SLC24A4: variants seen among roughly 807,000 people sequenced by gnomAD.
The protein encoded by SLC24A4 is sodium/potassium/calcium exchanger 4.
Under a neutral mutation model 79.0 loss-of-function variants are expected in SLC24A4, and 53 were observed. The observed-to-expected ratio is 0.67, with a 90% CI of 0.54 to 0.84. SLC24A4 has a LOEUF of 0.84. SLC24A4 is among the 40% of genes least tolerant of loss of function. The probability of loss-of-function intolerance (pLI) is 0.00; values close to 1 mark genes in which losing one functional copy is unlikely to be tolerated. For synonymous variants in SLC24A4, 323 were observed against 323.8 expected, an observed-to-expected ratio of 1.00 and a Z score of 0.03; for missense variants, 731 against 822.0, an observed-to-expected ratio of 0.89 and a Z score of 1.35.
chr14:92,449,357 C>CTCT, intron 10 of SLC24A4, 141 bp downstream of exon 10: 5 of 1,228,510 alleles, frequency 4.1e-6, no homozygotes, highest in Non-Finnish European at 5.6e-6. Flanking sequence ...AATTGTCACT[C>CTCT]TCTTACCTTT....
chr14:92,468,930 GTGTGTC>G (rs57847684), intron 12 of SLC24A4, among the ~76,000 whole-genome samples: 25,041 of 83,520 alleles, frequency 0.3, 2,132 homozygotes, highest in Non-Finnish European at 0.39. Flanking sequence ...GTGTGTGTGT[GTGTGTC>G]ACTTAAAACT....
intron 5 of SLC24A4, 49 bp from the exon 6 acceptor site, chr14:92,442,664 G>C (rs1892561992): frequency 7.4e-7 from 1 of 1,355,684 alleles, no homozygotes; most frequent in Non-Finnish European, 1.1e-6. Context: ...GGAAGGGGCA[G>C]GCTGGGGACG....
rs1595289544 is a variant in SLC24A4 at position 92,443,404 on chromosome 14, T to A, written c.587T>A (p.Val196Asp). 6.2e-7 allele frequency: 1 copy of A among 1,614,018 alleles called. No individual in the cohort carries two copies. The highest frequency in any genetic ancestry group is 8.5e-7 in the Non-Finnish European group (1 of 1,180,030). ...GVCGLFAGQV[V>D]RLTWWAVCRD... is the part of the protein sequence containing the mutation. ...ACGACGGGGCTCTGCTGGCAGGTGG[T>A]CCGTCTGACGTGGTGGGCCGTGTGC... The change falls in exon 7 of 17, where the codon GTC becomes GAC. Residue 196 changes from valine (V) to aspartate (D), a missense_variant. Val to Asp is a radical substitution (Grantham distance 152, BLOSUM62 -3). Transcript: ENST00000532405.
intron 7 of SLC24A4, 118 bp from the exon 8 acceptor site, chr14:92,445,199 A>G (rs1370025567): frequency 1.8e-6 from 2 of 1,089,758 alleles, no homozygotes; most frequent in Non-Finnish European, 2.8e-6. Context: ...AAATGGACCC[A>G]TAACACATAT....
Position 92,493,926 on chromosome 14 carries a change from C to T in SLC24A4, c.*298C>T. 1 of 375,992 alleles carries T rather than the reference C, an allele frequency of 2.7e-6. No homozygotes were observed. The highest frequency in any genetic ancestry group is 4.9e-6 in the Non-Finnish European group (1 of 205,902). 23.3% of individuals were successfully genotyped at this position (375,992 alleles called of 1,614,324 possible). A position where few individuals can be genotyped will look rare whatever the true frequency, so the allele number is the denominator to read the frequency against. On this transcript the variant is annotated 3_prime_UTR_variant, in exon 17 of 17. Coordinates refer to ENST00000532405, the MANE Select transcript of SLC24A4 (RefSeq NM_153646.4). Reference sequence around the variant, plus strand: ...TGTGCCAAGCATCTCATCTCTCCTGCACACTTTAGTCAGAAGGACTTCTGC... The same window carrying T: ...TGTGCCAAGCATCTCATCTCTCCTGTACACTTTAGTCAGAAGGACTTCTGC...
intron 13 of SLC24A4, among the ~76,000 whole-genome samples, chr14:92,483,210 T>G (rs955414768): frequency 6.6e-6 from 1 of 151,836 alleles, no homozygotes; most frequent in Non-Finnish European, 1.5e-5. Context: ...GAGACTGGAG[T>G]CAAGGGAGAT....
chr14:92,489,212 C>T (rs1210417381), intron 14 of SLC24A4, among the ~76,000 whole-genome samples: 3 of 151,746 alleles, frequency 2.0e-5, no homozygotes, highest in Non-Finnish European at 4.4e-5. Context: ...TCGAGGTGGG[C>T]GGATCACCTG....
At chr14:92,426,611 C>T (rs1330061282) in intron 2 of SLC24A4, among the ~76,000 whole-genome samples, 3 of 152,198 alleles carry the variant, frequency 2.0e-5, no homozygotes, top group Non-Finnish European at 2.9e-5. Context: ...AACTCCTTCT[C>T]ATGCTAGTTA....
intron 13 of SLC24A4, chr14:92,484,451 T>C (rs953071234): frequency 2.0e-6 from 2 of 985,230 alleles, no homozygotes; most frequent in African/African-American, 3.5e-5. Context: ...TAGAGCTCTG[T>C]ATCCCAAAAG....
intron 5 of SLC24A4, 126 bp downstream of exon 5, chr14:92,442,299 C>A: frequency 1.4e-6 from 1 of 695,620 alleles, no homozygotes; most frequent in South Asian, 1.8e-5. Flanking sequence ...ATTGGAGAGG[C>A]AGTAAGTAGA....
Position 92,443,429 on chromosome 14 carries a change from C to T in SLC24A4, c.612C>T (p.Cys204=). The T allele has an allele frequency of 3.1e-6, 5 of 1,614,164 alleles. No homozygotes were observed. Among genetic ancestry groups the T allele is most frequent in the Non-Finnish European group, 4.2e-6 (5 of 1,180,014 alleles). Residue 204 remains cysteine (C), a synonymous_variant, in exon 7 of 17, where the codon TGC becomes TGT. Transcript: ENST00000532405. ...QVVRLTWWAV[C]RDSVYYTISV... is the part of the protein sequence containing the mutation. Reference sequence around the variant, plus strand: ...TCCGTCTGACGTGGTGGGCCGTGTGCCGAGACTCCGTGTACTACACCATCT... The same window carrying T: ...TCCGTCTGACGTGGTGGGCCGTGTGTCGAGACTCCGTGTACTACACCATCT...
intron 12 of SLC24A4, among the ~76,000 whole-genome samples, chr14:92,480,494 C>T (rs912649999): frequency 1.3e-5 from 2 of 150,368 alleles, no homozygotes; most frequent in Non-Finnish European, 3.0e-5. Context: ...GGGGTTTCAC[C>T]TTGTTAGCCA....
At chr14:92,328,773 C>T (rs1228140810) in intron 2 of SLC24A4, among the ~76,000 whole-genome samples, 1 of 152,232 alleles carries the variant, frequency 6.6e-6, no homozygotes, top group Non-Finnish European at 1.5e-5. Flanking sequence ...GCAGATTGAT[C>T]TGGCCAAGGG....
At chr14:92,323,139 G>A (rs1884883614), upstream of SLC24A4, 1 of 152,250 alleles carries the variant, frequency 6.6e-6, no homozygotes, top group South Asian at 2.1e-4. The surrounding 1 kb of genome is among the most constrained non-coding windows in gnomAD (Gnocchi z 4.9). Context: ...GGCGAGAGCA[G>A]CGGGCGGGAG....
chr14:92,372,942 TC>T (rs1888270701), intron 2 of SLC24A4, among the ~76,000 whole-genome samples: 1 of 145,374 alleles, frequency 6.9e-6, no homozygotes, highest in African/African-American at 2.6e-5. Context: ...TTTCTTTTTC[TC>T]TCTCTCTCTC....
chr14:92,347,025 C>T (rs911924604), intron 2 of SLC24A4, among the ~76,000 whole-genome samples: 4 of 152,002 alleles, frequency 2.6e-5, no homozygotes, highest in African/African-American at 9.7e-5. Context: ...TCTAGTATGG[C>T]TCATTTATGC....
chr14:92,339,742 C>T (rs970982985), intron 2 of SLC24A4, among the ~76,000 whole-genome samples: 24 of 152,158 alleles, frequency 1.6e-4, no homozygotes, highest in Middle Eastern at 3.2e-3. Flanking sequence ...GAGCCAGGGA[C>T]GGTTTCTGAG....
At chr14:92,380,556 G>A (rs1218999381) in intron 2 of SLC24A4, among the ~76,000 whole-genome samples, 1 of 152,240 alleles carries the variant, frequency 6.6e-6, no homozygotes, top group Admixed American at 6.5e-5. Flanking sequence ...AGAGAAAGAG[G>A]TGATGCATTC....
chr14:92,443,290 G>T, intron 6 of SLC24A4, 110 bp from the exon 7 acceptor site: 1 of 956,654 alleles, frequency 1.0e-6, no homozygotes, highest in Non-Finnish European at 1.7e-6. Flanking sequence ...GGAGTTAGGA[G>T]GTGGAGCTCT....
Sources: allele counts gnomAD v4.1 joint callset (sites outside exome capture counted in the v4.1 genomes callset), GRCh38; gene constraint gnomAD v4.1.1; non-coding constraint Gnocchi (gnomAD v3.1); transcripts MANE v1.5; gene names NCBI Gene and HGNC (gene_info 2026-07-23, HGNC 2026-07-21).